The following PRKCA variants were observed in gnomAD, a reference collection of about 807,000 sequenced individuals.
PRKCA encodes the protein protein kinase C alpha type.
Under a neutral mutation model 87.0 loss-of-function variants are expected in PRKCA, and 27 were observed. That is an observed-to-expected ratio of 0.31 (90% CI 0.23 to 0.43). The LOEUF (loss-of-function observed/expected upper bound fraction) is 0.43, where lower values mean the gene tolerates loss of function less well. Ranked by LOEUF, PRKCA falls within the 20% of genes least tolerant of loss-of-function variation. PRKCA has a pLI of 1.00. For synonymous variants in PRKCA, 329 were observed against 311.1 expected (o/e 1.06, Z -0.61); for missense variants, 518 against 852.3 (o/e 0.61, Z 4.88).
intron 2 of PRKCA, among the ~76,000 whole-genome samples, chr17:66,463,382 GT>G (rs58154764): frequency 0.047 from 6,841 of 146,472 alleles, 223 homozygotes; most frequent in Admixed American, 0.11. Flanking sequence ...TTGATTCTGT[GT>G]TTTTTTTTTT....
intron 2 of PRKCA, among the ~76,000 whole-genome samples, chr17:66,439,197 T>C (rs1208960990): frequency 6.7e-6 from 1 of 149,696 alleles, no homozygotes; most frequent in Non-Finnish European, 1.5e-5. Context: ...CTTTTTTTTA[T>C]TGAGACAGAG....
At position 66,421,569 on chromosome 17, in the gene PRKCA, A is replaced by G. The variant is rs551825186; in HGVS notation, c.206-74632A>G. Reference sequence around the variant, plus strand: ...TTTTTTTGAGACAGAGTCTTACTCTATTATTCAGGCTGGAGTATAGTGGCA... The same window carrying G: ...TTTTTTTGAGACAGAGTCTTACTCTGTTATTCAGGCTGGAGTATAGTGGCA... On this transcript the variant is annotated intron_variant, in intron 2 of 16. Coordinates refer to ENST00000413366, the MANE Select transcript of PRKCA (RefSeq NM_002737.3). Among the ~76,000 whole-genome samples, 23 of 148,964 alleles carry G rather than the reference A, an allele frequency of 1.5e-4. No homozygotes were observed. In the South Asian group the frequency reaches 3.4e-3, roughly 22 times the overall value.
chr17:66,496,370 C>T (rs1256461930), intron 3 of PRKCA, 87 bp downstream of exon 3: 22 of 1,151,718 alleles, frequency 1.9e-5, no homozygotes, highest in Non-Finnish European at 2.7e-5. Flanking sequence ...TTAGTTTTGG[C>T]ACTTACTGTT....
At chr17:66,450,687 G>C (rs1914263088) in intron 2 of PRKCA, among the ~76,000 whole-genome samples, 1 of 152,222 alleles carries the variant, frequency 6.6e-6, no homozygotes, top group South Asian at 2.1e-4. Flanking sequence ...TGCAGGGACA[G>C]TTTTGGGGAA....
At chr17:66,711,811 T>C (rs1267736056) in intron 8 of PRKCA, among the ~76,000 whole-genome samples, 1 of 152,182 alleles carries the variant, frequency 6.6e-6, no homozygotes, top group Non-Finnish European at 1.5e-5. Flanking sequence ...TAATAAATAA[T>C]GTTTTTAGAG....
chr17:66,492,091 A>G (rs1269494723), intron 2 of PRKCA, among the ~76,000 whole-genome samples: 3 of 152,214 alleles, frequency 2.0e-5, no homozygotes, highest in Non-Finnish European at 4.4e-5. Context: ...AAGTAGGCTT[A>G]GAGGGCTCTT....
intron 2 of PRKCA, among the ~76,000 whole-genome samples, chr17:66,307,029 G>A (rs989647286): frequency 1.3e-5 from 2 of 152,126 alleles, no homozygotes; most frequent in Admixed American, 1.3e-4. Context: ...TAGAGAGAAA[G>A]GCACTGTGTA....
At chr17:66,730,692 G>A (rs1303169628) in intron 8 of PRKCA, among the ~76,000 whole-genome samples, 1 of 152,182 alleles carries the variant, frequency 6.6e-6, no homozygotes, top group Non-Finnish European at 1.5e-5. Flanking sequence ...TGATTTTGGC[G>A]GGTTTTGGCT....
At chr17:66,761,477 G>T (rs950506104) in intron 13 of PRKCA, among the ~76,000 whole-genome samples, 4 of 151,768 alleles carry the variant, frequency 2.6e-5, no homozygotes, top group Admixed American at 2.6e-4. Flanking sequence ...TTGTTGTTGA[G>T]ATGGAGTCTC....
At chr17:66,305,523 T>C (rs1469328107) in intron 1 of PRKCA, among the ~76,000 whole-genome samples, 3 of 152,224 alleles carry the variant, frequency 2.0e-5, no homozygotes, top group African/African-American at 7.2e-5. Context: ...TGGTTCTCAG[T>C]AGAAATTAGA....
At chr17:66,632,833 A>G (rs1217074332) in intron 3 of PRKCA, among the ~76,000 whole-genome samples, 1 of 152,174 alleles carries the variant, frequency 6.6e-6, no homozygotes, top group Non-Finnish European at 1.5e-5. Context: ...ATACAGATCT[A>G]TCTAGAATTT....
At chr17:66,338,862 A>G (rs1222331032) in intron 2 of PRKCA, among the ~76,000 whole-genome samples, 1 of 152,228 alleles carries the variant, frequency 6.6e-6, no homozygotes. Context: ...TGTAGAGAAC[A>G]ACAACATTCA....
intron 3 of PRKCA, among the ~76,000 whole-genome samples, chr17:66,512,537 C>T (rs1418995026): frequency 6.6e-6 from 1 of 151,332 alleles, no homozygotes; most frequent in Non-Finnish European, 1.5e-5. Flanking sequence ...TGATTGTGAT[C>T]TGGCTCCTGC....
intron 3 of PRKCA, among the ~76,000 whole-genome samples, chr17:66,612,994 A>G (rs62071757): frequency 0.077 from 11,714 of 152,318 alleles, 572 homozygotes; most frequent in South Asian, 0.18. Flanking sequence ...ATTCAGAAGA[A>G]TAGAACATTA....
At chr17:66,672,891 TAA>T (rs1394428662) in intron 5 of PRKCA, among the ~76,000 whole-genome samples, 1 of 152,236 alleles carries the variant, frequency 6.6e-6, no homozygotes, top group African/African-American at 2.4e-5. Flanking sequence ...ATACTGGCCA[TAA>T]ACATGCTAAT....
chr17:66,688,411 C>G lies in PRKCA; in HGVS notation c.796C>G (p.Leu266Val), dbSNP rs756067154. Residue 266 changes from leucine (L) to valine (V), a missense_variant, in exon 7 of 17, where the codon CTG (leucine) becomes GTG (valine). By Grantham distance (32) the Leu-to-Val change is conservative. Transcript: ENST00000413366. ...ATCCCTTTCCTTTGGAGTTTCGGAGCTGATGAAGATGCCGGCCAGTGGATG... is the reference window on the plus strand; with the variant it reads ...ATCCCTTTCCTTTGGAGTTTCGGAGGTGATGAAGATGCCGGCCAGTGGATG... Reference protein sequence around the residue: ...MGSLSFGVSELMKMPASGWYK... With the variant: ...MGSLSFGVSEVMKMPASGWYK... 1.2e-6 allele frequency: 2 copies of G among 1,614,142 alleles called. No individual in the cohort carries two copies. Among genetic ancestry groups the G allele is most frequent in the Admixed American group, 3.3e-5 (2 of 60,022 alleles).
chr17:66,706,143 G>T (rs1171925855), intron 8 of PRKCA, among the ~76,000 whole-genome samples: 1 of 152,132 alleles, frequency 6.6e-6, no homozygotes, highest in African/African-American at 2.4e-5. Flanking sequence ...TGATTCCTGA[G>T]CCCATTAAAG....
At chr17:66,770,693 G>A (rs567790078) in intron 13 of PRKCA, among the ~76,000 whole-genome samples, 3 of 152,276 alleles carry the variant, frequency 2.0e-5, no homozygotes, top group Admixed American at 6.5e-5. Context: ...TGTCTGCCAC[G>A]GCAGCAGTAG....
intron 2 of PRKCA, among the ~76,000 whole-genome samples, chr17:66,425,577 A>G (rs888230178): frequency 6.6e-6 from 1 of 152,232 alleles, no homozygotes; most frequent in Non-Finnish European, 1.5e-5. Context: ...AGGTATATTC[A>G]TAATACCTGG....
Sources: allele counts gnomAD v4.1 joint callset (sites outside exome capture counted in the v4.1 genomes callset), GRCh38; gene constraint gnomAD v4.1.1; transcripts MANE v1.5; gene names NCBI Gene and HGNC (gene_info 2026-07-23, HGNC 2026-07-21).